The following DAGLA variants were observed in gnomAD, a reference collection of about 807,000 sequenced individuals.
DAGLA encodes diacylglycerol lipase alpha.
DAGLA carries 22 observed loss-of-function variants against 102.6 expected under a neutral mutation model. The observed-to-expected ratio is 0.21, with a 90% CI of 0.15 to 0.31. The LOEUF is 0.31. DAGLA is among the 10% of genes least tolerant of loss of function. DAGLA has a pLI of 1.00. For synonymous variants in DAGLA, 578 were observed against 628.9 expected, an observed-to-expected ratio of 0.92 and a Z score of 1.21; for missense variants, 927 against 1,446.6, an observed-to-expected ratio of 0.64 and a Z score of 5.83.
chr11:61,736,843 C>T (rs198445), intron 13 of DAGLA, among the ~76,000 whole-genome samples: 10,578 of 152,130 alleles, frequency 0.07, 737 homozygotes, highest in African/African-American at 0.16. Flanking sequence ...GAGATGGGGT[C>T]AGGTAACCAC....
At chr11:61,693,050 G>A (rs1180130124) in intron 1 of DAGLA, among the ~76,000 whole-genome samples, 30 of 148,156 alleles carry the variant, frequency 2.0e-4, no homozygotes, top group African/African-American at 7.5e-4. Context: ...GTCTCACTCT[G>A]TTGCCCAGGC....
rs746640375 is a variant in DAGLA at position 61,735,565 on chromosome 11, A to T, written c.1133A>T (p.Tyr378Phe). The T allele has an allele frequency of 1.5e-5, 24 of 1,613,838 alleles. No homozygotes were observed. Among genetic ancestry groups the T allele is most frequent in the Middle Eastern group, 3.3e-4 (2 of 6,080 alleles). Residue 378 changes from tyrosine (Y) to phenylalanine (F), a missense_variant, in exon 11 of 20, where the codon TAT (tyrosine) becomes TTT (phenylalanine). Coordinates refer to ENST00000257215, the MANE Select transcript of DAGLA (RefSeq NM_006133.3). ...CACGAGCTGCCCGCCTCCTAGGTCT[A>T]TGAAACGCCCTTCTACGTGGCGGTG... ...IVYTSCHDAV[Y>F]ETPFYVAVDH...
In DAGLA at chr11:61,740,609, C is replaced by T; in HGVS notation, c.1983+17C>T. The T allele has an allele frequency of 6.2e-7, 1 of 1,611,622 alleles. No individual in the cohort carries two copies. The highest frequency in any genetic ancestry group is 8.5e-7 in the Non-Finnish European group (1 of 1,178,900). On this transcript the variant is annotated intron_variant, in intron 18 of 19. Coordinates refer to ENST00000257215, the MANE Select transcript of DAGLA (RefSeq NM_006133.3). ...CTCAACAAGGTGAGGCAGCTCCCGG[C>T]AGGGTACCACCAGGGAATAAGGCAC...
intron 1 of DAGLA, among the ~76,000 whole-genome samples, chr11:61,692,524 C>T (rs2065031940): frequency 6.6e-6 from 1 of 152,160 alleles, no homozygotes; most frequent in Non-Finnish European, 1.5e-5. Context: ...TTGAGAGTTA[C>T]TGGCGACCAC....
chr11:61,704,809 C>CT (rs1022855029), intron 1 of DAGLA, among the ~76,000 whole-genome samples: 1 of 152,142 alleles, frequency 6.6e-6, no homozygotes, highest in African/African-American at 2.4e-5. Flanking sequence ...TGAATTAACT[C>CT]TGAGAGCTCC....
chr11:61,682,061 A>G (rs11230779), intron 1 of DAGLA, among the ~76,000 whole-genome samples: 34,749 of 149,184 alleles, frequency 0.23, 4,543 homozygotes, highest in East Asian at 0.48. Flanking sequence ...GTGGTCGCCA[A>G]ATTGCCAAGG....
At chr11:61,691,637 C>T (rs909419479) in intron 1 of DAGLA, among the ~76,000 whole-genome samples, 7 of 152,264 alleles carry the variant, frequency 4.6e-5, no homozygotes, top group African/African-American at 1.7e-4. Flanking sequence ...CTCCACCATG[C>T]TCCAGGGAGC....
chr11:61,681,993 T>C (rs1197318856), intron 1 of DAGLA, among the ~76,000 whole-genome samples: 4 of 152,100 alleles, frequency 2.6e-5, no homozygotes, highest in Non-Finnish European at 5.9e-5. Flanking sequence ...AGGGTTGAGC[T>C]TGTGCTGGGG....
chr11:61,717,835 A>C (rs2065248769), intron 1 of DAGLA, among the ~76,000 whole-genome samples: 1 of 152,314 alleles, frequency 6.6e-6, no homozygotes, highest in Middle Eastern at 3.4e-3. Flanking sequence ...AGGTGGGGGC[A>C]GTGGTTACCA....
intron 17 of DAGLA, among the ~76,000 whole-genome samples, chr11:61,739,919 C>T (rs2065462754): frequency 6.6e-6 from 1 of 152,194 alleles, no homozygotes; most frequent in South Asian, 2.1e-4. Context: ...CTGGTGTGCC[C>T]CAGGGCAGCT....
At chr11:61,719,053 G>A (rs1484621012) in intron 1 of DAGLA, among the ~76,000 whole-genome samples, 1 of 152,046 alleles carries the variant, frequency 6.6e-6, no homozygotes, top group Non-Finnish European at 1.5e-5. Context: ...CACCAACTTG[G>A]TCCCCAGCCC....
intron 1 of DAGLA, among the ~76,000 whole-genome samples, chr11:61,718,884 C>G (rs2065259333): frequency 1.3e-5 from 2 of 152,242 alleles, no homozygotes; most frequent in South Asian, 4.1e-4. Flanking sequence ...GCTATGCCCA[C>G]TGGCCAAGGG....
intron 1 of DAGLA, among the ~76,000 whole-genome samples, chr11:61,697,675 T>A (rs552151683): frequency 2.0e-5 from 3 of 152,262 alleles, no homozygotes; most frequent in East Asian, 1.9e-4. Context: ...TGTTTTTTTT[T>A]ATTTTTATTA....
chr11:61,703,401 C>G (rs1228344240), intron 1 of DAGLA, among the ~76,000 whole-genome samples: 2 of 137,734 alleles, frequency 1.5e-5, no homozygotes, highest in African/African-American at 5.5e-5. Context: ...GAGCTAGGAG[C>G]TGAATGACAG....
intron 1 of DAGLA, among the ~76,000 whole-genome samples, chr11:61,711,224 C>T (rs976917155): frequency 3.9e-5 from 6 of 152,140 alleles, no homozygotes; most frequent in East Asian, 1.9e-4. Flanking sequence ...CAGTGTGGGG[C>T]GGTGTCGGCC....
intron 1 of DAGLA, among the ~76,000 whole-genome samples, chr11:61,688,550 C>G (rs555140296): frequency 6.6e-6 from 1 of 152,240 alleles, no homozygotes; most frequent in African/African-American, 2.4e-5. Context: ...GGCTGCCAGG[C>G]CCTGGTCTGT....
intron 1 of DAGLA, among the ~76,000 whole-genome samples, chr11:61,694,506 A>G (rs1591025851): frequency 6.6e-6 from 1 of 152,080 alleles, no homozygotes; most frequent in African/African-American, 2.4e-5. Context: ...GTGTGCTTGG[A>G]CCTGACATTG....
At chr11:61,699,012 TG>T (rs2065088775) in intron 1 of DAGLA, among the ~76,000 whole-genome samples, 1 of 152,204 alleles carries the variant, frequency 6.6e-6, no homozygotes, top group Non-Finnish European at 1.5e-5. Context: ...CACGCTCAAC[TG>T]TGGTGCACAG....
intron 1 of DAGLA, among the ~76,000 whole-genome samples, chr11:61,687,928 G>C (rs1771645802): frequency 6.6e-6 from 1 of 152,124 alleles, no homozygotes; most frequent in Non-Finnish European, 1.5e-5. Context: ...TGCCCTGTCT[G>C]TATAATAGCA....
Sources: gnomAD v4.1 joint callset for allele counts (sites outside exome capture counted in the v4.1 genomes callset) on GRCh38, gnomAD v4.1.1 for gene constraint, MANE v1.5 for transcripts, NCBI Gene and HGNC (gene_info 2026-07-23, HGNC 2026-07-21) for gene names.